Variants in SH3BGR observed in about 807,000 individuals in gnomAD.
The protein encoded by SH3BGR is SH3 domain-binding glutamic acid-rich protein.
In SH3BGR, 29 loss-of-function variants were observed where a neutral mutation model predicts 24.5. The observed-to-expected ratio is 1.18, with a 90% CI of 0.88 to 1.61. The LOEUF (loss-of-function observed/expected upper bound fraction) is 1.61. SH3BGR is among the 40% of genes most tolerant of loss of function. The probability of loss-of-function intolerance (pLI) is 0.00; values close to 1 mark genes in which losing one functional copy is unlikely to be tolerated. For missense variants in SH3BGR, 162 were observed against 205.8 expected, an observed-to-expected ratio of 0.79 and a Z score of 1.30; for synonymous variants, 55 against 65.7, an observed-to-expected ratio of 0.84 and a Z score of 0.79.
chr21:39,471,191 G>A (rs2077934112), intron 2 of SH3BGR, among the ~76,000 whole-genome samples: 1 of 151,464 alleles, frequency 6.6e-6, no homozygotes, highest in Non-Finnish European at 1.5e-5. Flanking sequence ...TCTCTACGAT[G>A]TGTCTAGGTT....
intron 3 of SH3BGR, among the ~76,000 whole-genome samples, chr21:39,477,399 T>C (rs184655024): frequency 1.8e-3 from 273 of 152,308 alleles, no homozygotes; most frequent in Admixed American, 3.1e-3. Context: ...GCTTTCCAAG[T>C]AGCCAGGACT....
At chr21:39,450,311 G>A (rs912631624), upstream of SH3BGR, among the ~76,000 whole-genome samples, 3 of 152,094 alleles carry the variant, frequency 2.0e-5, no homozygotes, top group African/African-American at 7.2e-5. Flanking sequence ...CTTATTTTTG[G>A]AGCAGCTAAC....
rs182155043 is a variant in SH3BGR at position 39,508,025 on chromosome 21, T to A, written c.406-973T>A. Among the ~76,000 whole-genome samples the A allele has an allele frequency of 5.1e-3, 776 of 152,336 alleles. 30 individuals carry two copies. The highest frequency in any genetic ancestry group is 1.2e-3 in the East Asian group (6 of 5,184). On this transcript the variant is annotated intron_variant, in intron 4 of 6. Transcript: ENST00000333634. ...CAGTAGACTTGCAGTGAGTCCTGAT[T>A]GTGTTGACTCCTTGTCCTGTGACCT...
intron 4 of SH3BGR, among the ~76,000 whole-genome samples, chr21:39,505,264 C>G (rs77233711): frequency 0.084 from 12,817 of 152,140 alleles, 780 homozygotes; most frequent in African/African-American, 0.17. Flanking sequence ...GTGGAGGGAG[C>G]AGTGAAAATG....
chr21:39,456,147 A>G (rs1367823395), intron 1 of SH3BGR, among the ~76,000 whole-genome samples: 1 of 152,180 alleles, frequency 6.6e-6, no homozygotes, highest in Non-Finnish European at 1.5e-5. Flanking sequence ...GCCCTGAGGC[A>G]TGGTTGATAG....
At chr21:39,479,773 C>T (rs1268448603) in intron 3 of SH3BGR, among the ~76,000 whole-genome samples, 1 of 152,182 alleles carries the variant, frequency 6.6e-6, no homozygotes, top group Admixed American at 6.5e-5. Flanking sequence ...TCTCTCACAT[C>T]GCTCTTTGTA....
At chr21:39,475,023 T>C (rs908176457) in intron 2 of SH3BGR, 112 bp from the exon 3 acceptor site, 15 of 643,686 alleles carry the variant, frequency 2.3e-5, no homozygotes, top group Non-Finnish European at 4.0e-5. Context: ...TGGGATGACT[T>C]TTTGTGTGAG....
chr21:39,451,010 C>T (rs1392381291), upstream of SH3BGR, among the ~76,000 whole-genome samples: 3 of 151,836 alleles, frequency 2.0e-5, no homozygotes, highest in Non-Finnish European at 2.9e-5. Context: ...TTGGTAAAGT[C>T]GTACCTCAGT....
At chr21:39,499,246 C>CCCATCTATCAT (rs2078449047) in intron 3 of SH3BGR, among the ~76,000 whole-genome samples, 1 of 68,806 alleles carries the variant, frequency 1.5e-5, no homozygotes, top group Non-Finnish European at 3.9e-5. Context: ...CATCCATCCA[C>CCCATCTATCAT]CTATCTATCA....
intron 2 of SH3BGR, among the ~76,000 whole-genome samples, chr21:39,464,230 C>CT (rs1022297860): frequency 7.9e-5 from 12 of 151,502 alleles, no homozygotes; most frequent in Non-Finnish European, 1.2e-4. Flanking sequence ...AGGTAACCCT[C>CT]TTTTTTTTTG....
intron 2 of SH3BGR, among the ~76,000 whole-genome samples, chr21:39,471,115 C>T (rs185712707): frequency 6.6e-6 from 1 of 152,146 alleles, no homozygotes; most frequent in Non-Finnish European, 1.5e-5. Flanking sequence ...CATTCTGTCT[C>T]CTTTTCTTCT....
intron 4 of SH3BGR, among the ~76,000 whole-genome samples, chr21:39,502,386 G>A (rs900392485): frequency 2.0e-5 from 3 of 152,116 alleles, no homozygotes; most frequent in Non-Finnish European, 4.4e-5. Context: ...CAAACTCCTG[G>A]CTCCGTTGAA....
intron 3 of SH3BGR, among the ~76,000 whole-genome samples, chr21:39,495,127 A>G (rs1265119196): frequency 0.06 from 7 of 116 alleles, no homozygotes; most frequent in Non-Finnish European, 0.047. Flanking sequence ...ATCTTTGAGA[A>G]TAGTTTAATA....
upstream of SH3BGR, among the ~76,000 whole-genome samples, chr21:39,447,959 T>C (rs2077530249): frequency 6.6e-6 from 1 of 152,214 alleles, no homozygotes; most frequent in South Asian, 2.1e-4. Context: ...TGAAACCAAG[T>C]TGTCTGAAAG....
chr21:39,449,986 A>T (rs566300895), upstream of SH3BGR, among the ~76,000 whole-genome samples: 77 of 152,274 alleles, frequency 5.1e-4, no homozygotes, highest in Non-Finnish European at 7.9e-4. Flanking sequence ...GGCAGTTTTC[A>T]CCTGATATAA....
At chr21:39,475,530 G>T (rs1347589884) in intron 3 of SH3BGR, among the ~76,000 whole-genome samples, 1 of 152,012 alleles carries the variant, frequency 6.6e-6, no homozygotes, top group Non-Finnish European at 1.5e-5. Context: ...TGAGCTCCTA[G>T]GTTGTGTTTA....
intron 3 of SH3BGR, among the ~76,000 whole-genome samples, chr21:39,484,188 C>T (rs911570559): frequency 6.6e-6 from 1 of 152,092 alleles, no homozygotes; most frequent in African/African-American, 2.4e-5. Context: ...TTCACAAAGC[C>T]TCTGACTCAG....
Position 39,462,515 on chromosome 21 carries a change from G to C in SH3BGR, c.186G>C (p.Gly62=). Residue 62 remains glycine, a synonymous_variant, in exon 2 of 7, where the codon GGG becomes GGC. Coordinates refer to ENST00000333634, the MANE Select transcript of SH3BGR (RefSeq NM_007341.3). The stretch of plus-strand genomic sequence containing the variant: ...CTGGAGAGAAAAAACCTCAAAATGG[G>C]ATTCCTTTGCCTCCCCAGATCTTCA... ...NVPGEKKPQN[G]IPLPPQIFNE... is the part of the protein sequence containing the mutation. 1 of 1,605,972 alleles carries C rather than the reference G, an allele frequency of 6.2e-7. No individual in the cohort carries two copies. The highest frequency in any genetic ancestry group is 8.5e-7 in the Non-Finnish European group (1 of 1,178,314).
At chr21:39,456,343 T>C (rs1490214925) in intron 1 of SH3BGR, among the ~76,000 whole-genome samples, 1 of 152,196 alleles carries the variant, frequency 6.6e-6, no homozygotes, top group Non-Finnish European at 1.5e-5. Flanking sequence ...CTCTACTCTT[T>C]GAAACAGCAA....
Sources: allele counts gnomAD v4.1 joint callset (sites outside exome capture counted in the v4.1 genomes callset), GRCh38; gene constraint gnomAD v4.1.1; transcripts MANE v1.5; gene names NCBI Gene and HGNC (gene_info 2026-07-23, HGNC 2026-07-21).